Variants in KCNQ1OT1 observed in about 807,000 individuals in gnomAD.
The protein encoded by KCNQ1OT1 is KCNQ1 opposite strand/antisense transcript 1.
Position 2,620,926 on chromosome 11 carries a change from T to TTTG in KCNQ1OT1, n.79066_79068dup. ...GCATCCCATTATGGTTTGGTGTTTTTTTGTTGTTGTTGTTTTGTTTTGTTT... is the reference window on the plus strand; with the variant it reads ...GCATCCCATTATGGTTTGGTGTTTTTTTGTTGTTGTTGTTGTTTTGTTTTGTTT... On this transcript the variant is annotated non_coding_transcript_exon_variant, in exon 1 of 1. Coordinates refer to ENST00000597346, the Ensembl canonical transcript of KCNQ1OT1. This position sits in a 1 kb window ranked among gnomAD's most constrained non-coding sequence, Gnocchi z 4.5. 2.6e-6 allele frequency: 1 copy of TTTG among 380,012 alleles called. No individual in the cohort carries two copies. The highest frequency in any genetic ancestry group is 4.5e-6 in the Non-Finnish European group (1 of 220,608). 23.5% of individuals were successfully genotyped at this position (380,012 alleles called of 1,614,324 possible).
chr11:2,629,853 T>C, exon 1 of KCNQ1OT1: 1 of 398,068 alleles, frequency 2.5e-6, no homozygotes, highest in Non-Finnish European at 4.4e-6. Flanking sequence ...TCTACATATA[T>C]GATGTCATCT....
In KCNQ1OT1 at chr11:2,669,398, C is replaced by A. The variant is rs930450885; in HGVS notation, n.30597G>T. 9.3e-5 allele frequency: 37 copies of A among 398,644 alleles called. No homozygotes were observed. Among genetic ancestry groups the A allele is most frequent in the Middle Eastern group, 1.3e-3 (2 of 1,588 alleles). 24.7% of individuals were successfully genotyped at this position (398,644 alleles called of 1,614,324 possible). On this transcript the variant is annotated non_coding_transcript_exon_variant, in exon 1 of 1. Coordinates refer to ENST00000597346, the Ensembl canonical transcript of KCNQ1OT1. This position sits in a 1 kb window ranked among gnomAD's most constrained non-coding sequence, Gnocchi z 5.6. ...TAGTTTTGGGGCTCCTGAAACATGG[C>A]ATCATGTGTCCCTTGTTTATTTAGG...
rs573246391 is a variant in KCNQ1OT1 at position 2,684,773 on chromosome 11, C to G, written n.15222G>C. 7.5e-6 allele frequency: 3 copies of G among 398,656 alleles called. No individual in the cohort carries two copies. The South Asian group carries it at 3.8e-4, about 51-fold the overall frequency. 24.7% of individuals were successfully genotyped at this position (398,656 alleles called of 1,614,324 possible). ...AAAGGGGTAAGGGAGGACTGCCTCC[C>G]AGCCTTCCCTCCCCACTGGTCTGGG... On this transcript the variant is annotated non_coding_transcript_exon_variant, in exon 1 of 1. Transcript: ENST00000597346.
Position 2,653,048 on chromosome 11 carries a change from T to C in KCNQ1OT1, n.46947A>G. The C allele has an allele frequency of 2.5e-6, 1 of 398,688 alleles. No individual in the cohort carries two copies. The highest frequency in any genetic ancestry group is 4.4e-6 in the Non-Finnish European group (1 of 226,086). The allele number at this position is 398,688 out of a possible 1,614,324, so 24.7% of individuals were successfully genotyped here. A position where few individuals can be genotyped will look rare whatever the true frequency, so the allele number is the denominator to read the frequency against. The stretch of plus-strand genomic sequence containing the variant: ...CTTTGATCCAATGTGAGATCCAACA[T>C]GTTCCATAATTTGCATCAAACATCC... On this transcript the variant is annotated non_coding_transcript_exon_variant, in exon 1 of 1. Coordinates refer to ENST00000597346, the Ensembl canonical transcript of KCNQ1OT1. This position sits in a 1 kb window ranked among gnomAD's most constrained non-coding sequence, Gnocchi z 5.3.
At chr11:2,662,057 T>C (rs1408985396) in exon 1 of KCNQ1OT1, 1 of 1,614,238 alleles carries the variant, frequency 6.2e-7, no homozygotes, top group Non-Finnish European at 8.5e-7. Context: ...GAGACTCTGC[T>C]GACACCCATC....
rs1849752155 is a variant in KCNQ1OT1, at chr11:2,651,246, G to T, written n.48749C>A. 2.5e-6 allele frequency: 1 copy of T among 398,650 alleles called. No individual in the cohort carries two copies. The highest frequency in any genetic ancestry group is 4.4e-6 in the Non-Finnish European group (1 of 226,088). 24.7% of individuals were successfully genotyped at this position (398,650 alleles called of 1,614,324 possible). A position where few individuals can be genotyped will look rare whatever the true frequency, so the allele number is the denominator to read the frequency against. On this transcript the variant is annotated non_coding_transcript_exon_variant, in exon 1 of 1. Transcript: ENST00000597346. The surrounding 1 kb of genome is among the most constrained non-coding windows in gnomAD (Gnocchi z 6.1). The stretch of plus-strand genomic sequence containing the variant: ...CTCACAGCACACACAGCTTAATTCA[G>T]GAATTAAGCTGTGCTGGTCACTTAT...
At chr11:2,643,026 T>A (rs930724719) in exon 1 of KCNQ1OT1, 2 of 397,920 alleles carry the variant, frequency 5.0e-6, no homozygotes. Flanking sequence ...AGATATGTGA[T>A]ATGAATCCAA....
At chr11:2,666,371 G>A in exon 1 of KCNQ1OT1, 1 of 398,684 alleles carries the variant, frequency 2.5e-6, no homozygotes. Context: ...CTGGCCTCTT[G>A]TGACATGACA....
At chr11:2,656,811 C>T in exon 1 of KCNQ1OT1, 2 of 398,550 alleles carry the variant, frequency 5.0e-6, no homozygotes, top group South Asian at 1.3e-4. Flanking sequence ...AGATATTCTT[C>T]TATATTCAGT....
exon 1 of KCNQ1OT1, chr11:2,666,260 C>T (rs556819939): frequency 4.3e-5 from 17 of 398,480 alleles, no homozygotes; most frequent in Non-Finnish European, 6.2e-5. Flanking sequence ...AGGACCAGGA[C>T]CCCCGAGGCT....
exon 1 of KCNQ1OT1, chr11:2,634,045 C>T: frequency 2.5e-6 from 1 of 398,214 alleles, no homozygotes; most frequent in Non-Finnish European, 4.4e-6. Flanking sequence ...TCTGCCTGCT[C>T]AGTATTGTTT....
rs910441727 is a variant in KCNQ1OT1 at position 2,674,968 on chromosome 11, C to A, written n.25027G>T. On this transcript the variant is annotated non_coding_transcript_exon_variant, in exon 1 of 1. Coordinates refer to ENST00000597346, the Ensembl canonical transcript of KCNQ1OT1. This position sits in a 1 kb window ranked among gnomAD's most constrained non-coding sequence, Gnocchi z 5.9. ...GGGGCTGACTGGAGCTGTTTCTCTT[C>A]GTTTCCTCTTACAGTGGCGGGCACT... is the stretch of plus-strand genomic sequence containing the variant. 1.8e-5 allele frequency: 7 copies of A among 397,592 alleles called. No individual in the cohort carries two copies. The highest frequency in any genetic ancestry group is 1.2e-4 in the African/African-American group (6 of 48,320). 24.6% of individuals were successfully genotyped at this position (397,592 alleles called of 1,614,324 possible).
exon 1 of KCNQ1OT1, chr11:2,693,658 G>A (rs1850625847): frequency 2.5e-6 from 1 of 398,572 alleles, no homozygotes; most frequent in Non-Finnish European, 4.4e-6. Context: ...AAGGCTTTTA[G>A]TTCCGCAGAC....
At chr11:2,625,471 G>A in exon 1 of KCNQ1OT1, 6 of 398,286 alleles carry the variant, frequency 1.5e-5, no homozygotes, top group Non-Finnish European at 2.7e-5. Context: ...GTAAGGTTGT[G>A]GTTTTGACTT....
exon 1 of KCNQ1OT1, chr11:2,619,264 A>C: frequency 2.5e-6 from 1 of 398,504 alleles, no homozygotes; most frequent in Non-Finnish European, 4.4e-6. Flanking sequence ...GGTTCATAGT[A>C]GAAGGGCTTC....
At position 2,651,177 on chromosome 11, in the gene KCNQ1OT1, C is replaced by T. The variant is rs1236083782; in HGVS notation, n.48818G>A. ...TACAGTGGATCTTGCTGCTTCCCTA[C>T]TCAAATGTTCCGACAGCTTCCTGTC... is the stretch of plus-strand genomic sequence containing the variant. On this transcript the variant is annotated non_coding_transcript_exon_variant, in exon 1 of 1. Transcript: ENST00000597346. This position sits in a 1 kb window ranked among gnomAD's most constrained non-coding sequence, Gnocchi z 6.1. 1.8e-5 allele frequency: 7 copies of T among 398,230 alleles called. No homozygotes were observed. In the East Asian group the frequency reaches 2.5e-4, roughly 14 times the overall value. The allele number at this position is 398,230 out of a possible 1,614,324, so 24.7% of individuals were successfully genotyped here. A position where few individuals can be genotyped will look rare whatever the true frequency, so the allele number is the denominator to read the frequency against.
rs1345831731 is a variant in KCNQ1OT1 at position 2,663,888 on chromosome 11, A to G, written n.36107T>C. The G allele has an allele frequency of 2.5e-6, 1 of 398,586 alleles. No individual in the cohort carries two copies. The highest frequency in any genetic ancestry group is 4.4e-6 in the Non-Finnish European group (1 of 226,126). The allele number at this position is 398,586 out of a possible 1,614,324, so 24.7% of individuals were successfully genotyped here. ...ACCCACCTGCCCAAGGGTGACCCCAAGCCAGTGTGGCTGTGTCATCTAGGA... is the reference window on the plus strand; with the variant it reads ...ACCCACCTGCCCAAGGGTGACCCCAGGCCAGTGTGGCTGTGTCATCTAGGA... On this transcript the variant is annotated non_coding_transcript_exon_variant, in exon 1 of 1. Transcript: ENST00000597346. The surrounding 1 kb of genome is among the most constrained non-coding windows in gnomAD (Gnocchi z 5.2).
chr11:2,641,687 C>G (rs185786276), exon 1 of KCNQ1OT1: 136 of 398,282 alleles, frequency 3.4e-4, no homozygotes, highest in Non-Finnish European at 5.5e-4. Flanking sequence ...TTTTTGAGGT[C>G]TTATCCATAA....
Position 2,663,166 on chromosome 11 carries a change from A to T in KCNQ1OT1, n.36829T>A. ...GCCCACTGTCTTTCCAGGCCCCCCC[A>T]GTTCACAGAGAGGTTGGCAGTACCT... On this transcript the variant is annotated non_coding_transcript_exon_variant, in exon 1 of 1. Transcript: ENST00000597346. The surrounding 1 kb of genome is among the most constrained non-coding windows in gnomAD (Gnocchi z 5.2). 1 of 398,744 alleles carries T rather than the reference A, an allele frequency of 2.5e-6. No homozygotes were observed. Among genetic ancestry groups the T allele is most frequent in the Non-Finnish European group, 4.4e-6 (1 of 226,172 alleles). The allele number at this position is 398,744 out of a possible 1,614,324, so 24.7% of individuals were successfully genotyped here.
Sources: gnomAD v4.1 joint callset for allele counts on GRCh38, gnomAD v4.1.1 for gene constraint, Gnocchi (gnomAD v3.1) non-coding constraint, MANE v1.5 for transcripts, NCBI Gene and HGNC (gene_info 2026-07-23, HGNC 2026-07-21) for gene names.